HDGFL3: variants seen among roughly 807,000 people sequenced by gnomAD.
The protein encoded by HDGFL3 is HDGF like 3.
In HDGFL3, 6 loss-of-function variants were observed where a neutral mutation model predicts 27.6. The ratio of observed to expected loss-of-function variants is 0.22; its 90% CI spans 0.12 to 0.43. The LOEUF (loss-of-function observed/expected upper bound fraction) is 0.43. Ranked by LOEUF, HDGFL3 falls within the 20% of genes least tolerant of loss-of-function variation. The probability of loss-of-function intolerance (pLI) is 1.00; values close to 1 mark genes in which losing one functional copy is unlikely to be tolerated. For synonymous variants in HDGFL3, 88 were observed against 88.9 expected (o/e 0.99, Z 0.05); for missense variants, 207 against 250.1 (o/e 0.83, Z 1.16).
rs933535873 is a variant in HDGFL3 at position 83,136,814 on chromosome 15, T to A, written c.*2456A>T. The A allele has an allele frequency of 1.7e-6, 1 of 574,676 alleles. No individual in the cohort carries two copies. Among genetic ancestry groups the A allele is most frequent in the African/African-American group, 1.9e-5 (1 of 51,936 alleles). The allele number at this position is 574,676 out of a possible 1,614,324, so 35.6% of individuals were successfully genotyped here. ...TGCTCTGCACTGTATGTGTGAGCTA[T>A]ATGGTATTGTGTAAATTTTTTTTGA... On this transcript the variant is annotated 3_prime_UTR_variant, in exon 6 of 6. Coordinates refer to ENST00000299633, the MANE Select transcript of HDGFL3 (RefSeq NM_016073.4).
At chr15:83,199,141 T>C (rs1328934472) in intron 1 of HDGFL3, among the ~76,000 whole-genome samples, 2 of 152,192 alleles carry the variant, frequency 1.3e-5, no homozygotes, top group Non-Finnish European at 2.9e-5. Flanking sequence ...ATAAGAGAAG[T>C]TATAACTTGT....
At chr15:83,164,342 T>C (rs1442582726) in intron 1 of HDGFL3, among the ~76,000 whole-genome samples, 1 of 125,636 alleles carries the variant, frequency 8.0e-6, no homozygotes, top group Non-Finnish European at 1.6e-5. Flanking sequence ...CCGGGGAATC[T>C]GTCCTAGTGA....
chr15:83,136,656 A>G lies in HDGFL3; in HGVS notation c.*2614T>C, dbSNP rs1466582652. The G allele has an allele frequency of 6.3e-7, 1 of 1,593,838 alleles. No homozygotes were observed. The highest frequency in any genetic ancestry group is 1.9e-5 in the Admixed American group (1 of 53,472). On this transcript the variant is annotated 3_prime_UTR_variant, in exon 6 of 6. Coordinates refer to ENST00000299633, the MANE Select transcript of HDGFL3 (RefSeq NM_016073.4). Reference sequence around the variant, plus strand: ...GAGTTCTTCATAAAAACAAAGGCAGAAGAAAAAGTGGAATAAAAATATTAC... The same window carrying G: ...GAGTTCTTCATAAAAACAAAGGCAGGAGAAAAAGTGGAATAAAAATATTAC...
intron 1 of HDGFL3, among the ~76,000 whole-genome samples, chr15:83,195,527 T>G (rs11856806): frequency 0.25 from 38,212 of 151,982 alleles, 5,167 homozygotes; most frequent in African/African-American, 0.35. Context: ...CTCTTTAATG[T>G]TAAAATCATG....
At chr15:83,204,765 T>C (rs1242459823) in intron 1 of HDGFL3, among the ~76,000 whole-genome samples, 1 of 152,232 alleles carries the variant, frequency 6.6e-6, no homozygotes. Context: ...GAATTATCTT[T>C]ATTTTACAGA....
chr15:83,122,996 G>C, downstream of HDGFL3: 2 of 1,161,986 alleles, frequency 1.7e-6, no homozygotes, highest in Non-Finnish European at 2.4e-6. Context: ...CATCCAAACA[G>C]TGCGACTGTT....
chr15:83,149,620 T>C lies in HDGFL3; in HGVS notation c.606+1595A>G, dbSNP rs545215209. Reference sequence around the variant, plus strand: ...TTGGATCGGGCAAGGAGAGGATCACTAGGAACCTTTACAAGAGCAATTTCA... The same window carrying C: ...TTGGATCGGGCAAGGAGAGGATCACCAGGAACCTTTACAAGAGCAATTTCA... On this transcript the variant is annotated intron_variant, in intron 5 of 5. Coordinates refer to ENST00000299633, the MANE Select transcript of HDGFL3 (RefSeq NM_016073.4). 6.6e-5 allele frequency among the ~76,000 whole-genome samples: 10 copies of C among 152,254 alleles called. No individual in the cohort carries two copies. In the South Asian group the frequency reaches 8.3e-4, roughly 13 times the overall value.
chr15:83,128,165 A>G lies in HDGFL3; in HGVS notation c.*11105T>C, dbSNP rs2035939377. The G allele has an allele frequency of 6.6e-6, 1 of 152,274 alleles. No homozygotes were observed. The highest frequency in any genetic ancestry group is 1.5e-5 in the Non-Finnish European group (1 of 68,078). The allele number at this position is 152,274 out of a possible 1,614,324, so 9.4% of individuals were successfully genotyped here. Reference sequence around the variant, plus strand: ...CTTATCATTTAAAAACATTAGCTTCATCTTGTTCTTTTCAAGCAGTTATAA... The same window carrying G: ...CTTATCATTTAAAAACATTAGCTTCGTCTTGTTCTTTTCAAGCAGTTATAA... On this transcript the variant is annotated 3_prime_UTR_variant, in exon 6 of 6. Coordinates refer to ENST00000299633, the MANE Select transcript of HDGFL3 (RefSeq NM_016073.4).
In HDGFL3 at chr15:83,119,652, C is replaced by A. The variant is rs745762093; in HGVS notation, c.394-3911G>T. The A allele has an allele frequency of 7.4e-6, 12 of 1,614,042 alleles. No homozygotes were observed. The Admixed American group carries it at 2.0e-4, about 27-fold the overall frequency. On this transcript the variant is annotated intron_variant, in intron 3 of 3. Transcript: ENST00000568294. ...ATGGCTCTGCTCATTATCTGATGTA[C>A]CTGGTGATGGTGGCAGCCATAGCAT...
chr15:83,142,710 A>G (rs2036802265), intron 5 of HDGFL3, among the ~76,000 whole-genome samples: 1 of 152,230 alleles, frequency 6.6e-6, no homozygotes. Context: ...TTTCAATTAA[A>G]TATCTGTATA....
intron 1 of HDGFL3, among the ~76,000 whole-genome samples, chr15:83,174,117 T>C (rs1478200039): frequency 6.6e-6 from 1 of 152,210 alleles, no homozygotes; most frequent in Non-Finnish European, 1.5e-5. Context: ...GAGTTTCAAA[T>C]CTGTAAAATA....
chr15:83,197,992 T>C (rs886786240), intron 1 of HDGFL3, among the ~76,000 whole-genome samples: 2 of 124,746 alleles, frequency 1.6e-5, no homozygotes, highest in Non-Finnish European at 3.1e-5. Flanking sequence ...TGGTAGAGCT[T>C]GCAGTGAGCC....
chr15:83,192,298 A>G (rs183931194), intron 1 of HDGFL3: 26 of 455,504 alleles, frequency 5.7e-5, no homozygotes, highest in African/African-American at 5.2e-4. Flanking sequence ...CTTTCTGCCA[A>G]AAGTTCCAAT....
exon 4 of HDGFL3, chr15:83,115,548 G>T (rs2034580298): frequency 3.9e-6 from 2 of 516,596 alleles, no homozygotes; most frequent in Admixed American, 2.4e-5. Flanking sequence ...GTGGAGGATG[G>T]GTGGAGTTGG....
intron 4 of HDGFL3, among the ~76,000 whole-genome samples, chr15:83,154,960 C>G (rs994228382): frequency 2.6e-5 from 4 of 152,164 alleles, no homozygotes; most frequent in Non-Finnish European, 5.9e-5. Context: ...GCCTGGACTC[C>G]TGGGCTCATG....
At chr15:83,115,162 G>C (rs1408372048) in exon 4 of HDGFL3, 1 of 157,058 alleles carries the variant, frequency 6.4e-6, no homozygotes, top group Non-Finnish European at 1.4e-5. Context: ...CTGTCGCCCA[G>C]GCTGGAGTGC....
chr15:83,176,793 G>C (rs534141136), intron 1 of HDGFL3, among the ~76,000 whole-genome samples: 1 of 151,736 alleles, frequency 6.6e-6, no homozygotes, highest in South Asian at 2.1e-4. Context: ...CCTCAAACTC[G>C]GCAGGATTTT....
At chr15:83,117,927 G>A (rs2034825611) in intron 3 of HDGFL3, among the ~76,000 whole-genome samples, 1 of 152,146 alleles carries the variant, frequency 6.6e-6, no homozygotes, top group Admixed American at 6.5e-5. Context: ...ACCTAATGCT[G>A]TGAAGAAGAG....
Position 83,144,554 on chromosome 15 carries a change from A to G in HDGFL3, c.607-5279T>C, listed in dbSNP as rs1170385788. The G allele has an allele frequency of 6.6e-6, 3 of 455,980 alleles. No homozygotes were observed. The East Asian group carries it at 2.1e-4, about 32-fold the overall frequency. 28.2% of individuals were successfully genotyped at this position (455,980 alleles called of 1,614,324 possible). ...CCATGCTGTGAGCTGCCTCATGGTG[A>G]GATCCATGGGGCAAGGCATCAGAGG... On this transcript the variant is annotated intron_variant, in intron 5 of 5. Coordinates refer to ENST00000299633, the MANE Select transcript of HDGFL3 (RefSeq NM_016073.4).
Sources: allele counts gnomAD v4.1 joint callset (sites outside exome capture counted in the v4.1 genomes callset), GRCh38; gene constraint gnomAD v4.1.1; transcripts MANE v1.5; gene names NCBI Gene and HGNC (gene_info 2026-07-23, HGNC 2026-07-21).